Variants in TMEM132C observed in about 807,000 individuals in gnomAD.
TMEM132C encodes the protein protein phosphatase 1, regulatory subunit 152.
TMEM132C carries 29 observed loss-of-function variants against 61.4 expected under a neutral mutation model. That is an observed-to-expected ratio of 0.47 (90% CI 0.35 to 0.64). The LOEUF (loss-of-function observed/expected upper bound fraction) is 0.64, where lower values mean the gene tolerates loss of function less well. Among genes scored for constraint, TMEM132C ranks in the 30% least tolerant of loss-of-function variants. The pLI, the probability that TMEM132C is intolerant of heterozygous loss-of-function variation, is 0.00. For synonymous variants in TMEM132C, 656 were observed against 633.1 expected, an observed-to-expected ratio of 1.04 and a Z score of -0.54; for missense variants, 1,408 against 1,476.9, an observed-to-expected ratio of 0.95 and a Z score of 0.76.
intron 1 of TMEM132C, among the ~76,000 whole-genome samples, chr12:128,310,967 G>C (rs1871945499): frequency 6.6e-6 from 1 of 151,990 alleles, no homozygotes; most frequent in East Asian, 1.9e-4. Context: ...AATTATATGG[G>C]TGTATTAAAT....
rs770949094 is a variant in TMEM132C at position 128,695,868 on chromosome 12, G to A, written c.1694G>A (p.Arg565Gln). Residue 565 changes from arginine to glutamine, a missense_variant, in exon 7 of 9, where the codon CGG (arginine) becomes CAG (glutamine). By Grantham distance (43) the Arg-to-Gln change is conservative. Transcript: ENST00000435159. ...RESEDEDEEERRGRGCALQYQ... is the reference protein window; with the variant it reads ...RESEDEDEEEQRGRGCALQYQ... ...AGCGAGGATGAGGACGAGGAGGAGC[G>A]GCGGGGCCGGGGCTGCGCACTGCAA... 2.6e-5 allele frequency: 41 copies of A among 1,547,860 alleles called. No homozygotes were observed. The South Asian group carries it at 2.7e-4, about 10-fold the overall frequency.
intron 4 of TMEM132C, among the ~76,000 whole-genome samples, chr12:128,657,633 C>T (rs1954339562): frequency 6.6e-6 from 1 of 152,180 alleles, no homozygotes; most frequent in Admixed American, 6.5e-5. Flanking sequence ...AGTTTGAGCA[C>T]TCAGGGTTCC....
chr12:128,392,822 A>G (rs1379157051), intron 1 of TMEM132C, among the ~76,000 whole-genome samples: 1 of 151,926 alleles, frequency 6.6e-6, no homozygotes, highest in Admixed American at 6.6e-5. Context: ...ACATGTCTTA[A>G]TGTTTTTAAA....
intron 3 of TMEM132C, among the ~76,000 whole-genome samples, chr12:128,555,697 A>G (rs912575687): frequency 4.0e-5 from 6 of 149,188 alleles, no homozygotes; most frequent in African/African-American, 1.5e-4. Flanking sequence ...CATTGAGGTT[A>G]TTGTTGTTGC....
At chr12:128,372,350 G>T (rs1874052542) in intron 1 of TMEM132C, among the ~76,000 whole-genome samples, 1 of 152,170 alleles carries the variant, frequency 6.6e-6, no homozygotes, top group Admixed American at 6.5e-5. Context: ...TCATGTAACT[G>T]GAAGTATTCT....
chr12:128,538,710 C>T lies in TMEM132C; in HGVS notation c.975-5247C>T, dbSNP rs747044792. Among the ~76,000 whole-genome samples, 6 of 152,192 alleles carry T rather than the reference C, an allele frequency of 3.9e-5. No individual in the cohort carries two copies. In the East Asian group the frequency reaches 5.8e-4, roughly 15 times the overall value. On this transcript the variant is annotated intron_variant, in intron 2 of 8. Transcript: ENST00000435159. ...TATTTATAGGCATATCACCGAGTAA[C>T]GCACTGATGTTGACACTTTTTTTTA... is the stretch of plus-strand genomic sequence containing the variant.
At chr12:128,568,961 C>T (rs905562083) in intron 3 of TMEM132C, among the ~76,000 whole-genome samples, 9 of 152,326 alleles carry the variant, frequency 5.9e-5, no homozygotes, top group Middle Eastern at 6.8e-3. Flanking sequence ...ACTCACTCTT[C>T]TAGGACTGAG....
intron 1 of TMEM132C, among the ~76,000 whole-genome samples, chr12:128,341,767 G>A (rs536163578): frequency 1.5e-4 from 23 of 152,260 alleles, no homozygotes; most frequent in Non-Finnish European, 2.9e-4. Flanking sequence ...ATGCAGATTC[G>A]GGGCCTCTCA....
intron 2 of TMEM132C, among the ~76,000 whole-genome samples, chr12:128,421,770 A>G (rs1434043875): frequency 2.0e-5 from 3 of 152,218 alleles, no homozygotes; most frequent in Non-Finnish European, 4.4e-5. Context: ...TTGGAAGCCG[A>G]TTTTAAAAAA....
chr12:128,344,358 C>T (rs950925648), intron 1 of TMEM132C, among the ~76,000 whole-genome samples: 3 of 152,170 alleles, frequency 2.0e-5, no homozygotes, highest in Non-Finnish European at 4.4e-5. Flanking sequence ...CAGGGTTTCA[C>T]CGTGTTAGCC....
rs1185690006 is a variant in TMEM132C at position 128,697,205 on chromosome 12, T to G, written c.1930-19T>G. 2.0e-6 allele frequency: 3 copies of G among 1,486,790 alleles called. No individual in the cohort carries two copies. The highest frequency in any genetic ancestry group is 2.7e-6 in the Non-Finnish European group (3 of 1,107,206). The allele number at this position is 1,486,790 out of a possible 1,614,324, so 92.1% of individuals were successfully genotyped here. On this transcript the variant is annotated intron_variant, in intron 7 of 8. Coordinates refer to ENST00000435159, the MANE Select transcript of TMEM132C (RefSeq NM_001136103.3). ...AAACAGGTGTGATGGATTTTCCTTG[T>G]GTCCTGCCAATCCCACAGGTGTTGT... is the stretch of plus-strand genomic sequence containing the variant.
chr12:128,650,911 C>T lies in TMEM132C; in HGVS notation c.1306-18506C>T, dbSNP rs943313960. On this transcript the variant is annotated intron_variant, in intron 4 of 8. Coordinates refer to ENST00000435159, the MANE Select transcript of TMEM132C (RefSeq NM_001136103.3). ...CCAACTGGAGTGGTGTGGGCTCCAA[C>T]GAATCAGAACAGACCAGAGTCATAA... Among the ~76,000 whole-genome samples, 8 of 152,212 alleles carry T rather than the reference C, an allele frequency of 5.3e-5. No individual in the cohort carries two copies. The South Asian group carries it at 8.3e-4, about 16-fold the overall frequency.
chr12:128,496,832 C>T (rs1257039358), intron 2 of TMEM132C, among the ~76,000 whole-genome samples: 2 of 152,234 alleles, frequency 1.3e-5, no homozygotes, highest in Admixed American at 6.5e-5. Context: ...TCTCTCAACT[C>T]GTCAAAGTCA....
At chr12:128,663,782 GCA>G (rs1954419520) in intron 4 of TMEM132C, among the ~76,000 whole-genome samples, 1 of 151,842 alleles carries the variant, frequency 6.6e-6, no homozygotes. Context: ...TCAATATCAT[GCA>G]CACACAGGCA....
At chr12:128,387,705 G>T (rs1318013443) in intron 1 of TMEM132C, among the ~76,000 whole-genome samples, 1 of 152,176 alleles carries the variant, frequency 6.6e-6, no homozygotes, top group Non-Finnish European at 1.5e-5. Flanking sequence ...AGCTACTGTG[G>T]AGGCCGAGGC....
At chr12:128,490,134 G>A (rs998741941) in intron 2 of TMEM132C, among the ~76,000 whole-genome samples, 3 of 152,178 alleles carry the variant, frequency 2.0e-5, no homozygotes, top group Non-Finnish European at 4.4e-5. Context: ...GGTGATTGGG[G>A]GAAGGAGGCC....
At chr12:128,481,192 G>A (rs537721654) in intron 2 of TMEM132C, among the ~76,000 whole-genome samples, 1 of 152,326 alleles carries the variant, frequency 6.6e-6, no homozygotes, top group East Asian at 1.9e-4. Flanking sequence ...CCTAGTAAGG[G>A]CAGCGGCAGG....
intron 5 of TMEM132C, among the ~76,000 whole-genome samples, chr12:128,691,132 C>T (rs369858418): frequency 6.6e-6 from 1 of 152,166 alleles, no homozygotes; most frequent in African/African-American, 2.4e-5. Context: ...GAGGGGTTTC[C>T]GAGTGACTTC....
In TMEM132C at chr12:128,325,089, C is replaced by G. The variant is rs537706321; in HGVS notation, c.85+57602C>G. On this transcript the variant is annotated intron_variant, in intron 1 of 8. Transcript: ENST00000435159. The stretch of plus-strand genomic sequence containing the variant: ...AGGTACTACTTGAAGGCCTGATACT[C>G]TGCAGAAGGGCAGCGGCTGCCCACA... Among the ~76,000 whole-genome samples, 4 of 152,288 alleles carry G rather than the reference C, an allele frequency of 2.6e-5. No individual in the cohort carries two copies. The East Asian group carries it at 7.7e-4, about 29-fold the overall frequency.
Sources: allele counts gnomAD v4.1 joint callset (sites outside exome capture counted in the v4.1 genomes callset), GRCh38; gene constraint gnomAD v4.1.1; transcripts MANE v1.5; gene names NCBI Gene and HGNC (gene_info 2026-07-23, HGNC 2026-07-21).